BTBD9: variants seen among roughly 807,000 people sequenced by gnomAD.
BTBD9 encodes BTB domain containing 9.
A neutral mutation model predicts 64.3 loss-of-function variants in BTBD9; 49 were observed. The observed-to-expected ratio is 0.76, with a 90% CI of 0.61 to 0.97. The LOEUF (loss-of-function observed/expected upper bound fraction) is 0.97, where lower values mean the gene tolerates loss of function less well. Ranked by LOEUF, BTBD9 falls within the 50% of genes least tolerant of loss-of-function variation. The probability of loss-of-function intolerance (pLI) is 0.00; values close to 1 mark genes in which losing one functional copy is unlikely to be tolerated. For synonymous variants in BTBD9, 260 were observed against 274.7 expected, an observed-to-expected ratio of 0.95 and a Z score of 0.53; for missense variants, 598 against 762.1, an observed-to-expected ratio of 0.78 and a Z score of 2.53.
At chr6:38,325,552 G>C (rs945443195) in intron 7 of BTBD9, among the ~76,000 whole-genome samples, 6 of 152,168 alleles carry the variant, frequency 3.9e-5, no homozygotes, top group African/African-American at 1.2e-4. Flanking sequence ...GAGCATGGTG[G>C]TGGGCGCCTG....
chr6:38,402,120 T>C (rs1766953815), intron 6 of BTBD9, among the ~76,000 whole-genome samples: 1 of 152,074 alleles, frequency 6.6e-6, no homozygotes, highest in Non-Finnish European at 1.5e-5. Flanking sequence ...GAATAAAATA[T>C]TTAAAATATA....
At chr6:38,590,269 A>G (rs1314246738) in intron 4 of BTBD9, among the ~76,000 whole-genome samples, 1 of 152,248 alleles carries the variant, frequency 6.6e-6, no homozygotes, top group East Asian at 1.9e-4. Context: ...AAAACACATC[A>G]TAATGATATA....
At chr6:38,390,634 A>C (rs563502891) in intron 6 of BTBD9, among the ~76,000 whole-genome samples, 1 of 152,074 alleles carries the variant, frequency 6.6e-6, no homozygotes, top group Non-Finnish European at 1.5e-5. Context: ...CCTAGACAAT[A>C]CCCCCAAATT....
chr6:38,328,251 C>T (rs186837355), intron 7 of BTBD9, among the ~76,000 whole-genome samples: 35 of 152,218 alleles, frequency 2.3e-4, no homozygotes, highest in Admixed American at 2.2e-3. Flanking sequence ...GAACTGTGTC[C>T]TCCCAGAATT....
chr6:38,525,147 G>C (rs1160537509), intron 6 of BTBD9, among the ~76,000 whole-genome samples: 2 of 152,120 alleles, frequency 1.3e-5, no homozygotes, highest in Admixed American at 6.5e-5. Context: ...CATGTGTCGA[G>C]GGAGAAAGTT....
At chr6:38,179,015 G>A (rs1056645489) in intron 10 of BTBD9, among the ~76,000 whole-genome samples, 1 of 152,046 alleles carries the variant, frequency 6.6e-6, no homozygotes, top group Non-Finnish European at 1.5e-5. Context: ...ACCACACCCA[G>A]CTAATTTTTG....
chr6:38,181,270 C>A (rs1761542191), intron 10 of BTBD9, among the ~76,000 whole-genome samples: 1 of 152,240 alleles, frequency 6.6e-6, no homozygotes, highest in Admixed American at 6.5e-5. Context: ...TGAATAATTT[C>A]CACAGACTGC....
chr6:38,600,440 C>T (rs1213985485), intron 1 of BTBD9, among the ~76,000 whole-genome samples: 1 of 152,092 alleles, frequency 6.6e-6, no homozygotes, highest in African/African-American at 2.4e-5. Flanking sequence ...TTGTTTGTTT[C>T]TTGCTGGGTT....
intron 8 of BTBD9, among the ~76,000 whole-genome samples, chr6:38,257,298 G>A (rs747334803): frequency 1.3e-5 from 2 of 151,736 alleles, no homozygotes; most frequent in Non-Finnish European, 2.9e-5. Context: ...CCAACTCCTG[G>A]GCTCAAGTGA....
chr6:38,442,874 G>A (rs1169832577), intron 6 of BTBD9, among the ~76,000 whole-genome samples: 1 of 151,778 alleles, frequency 6.6e-6, no homozygotes, highest in Non-Finnish European at 1.5e-5. Flanking sequence ...TTCCATGTTG[G>A]TCAGGCTGGT....
intron 6 of BTBD9, among the ~76,000 whole-genome samples, chr6:38,374,311 A>ATATATATATATATATATGTG (rs1562095693): frequency 8.6e-6 from 1 of 115,838 alleles, no homozygotes; most frequent in Non-Finnish European, 1.7e-5. Flanking sequence ...ATATATGTAT[A>ATATATATATATATATATGTG]TATATATATA....
At chr6:38,523,283 A>G (rs1773349098) in intron 6 of BTBD9, among the ~76,000 whole-genome samples, 1 of 152,100 alleles carries the variant, frequency 6.6e-6, no homozygotes, top group South Asian at 2.1e-4. Context: ...ACCCCAGTCT[A>G]GCCCTGTGCT....
chr6:38,404,382 A>T, intron 6 of BTBD9, among the ~76,000 whole-genome samples: 1 of 152,164 alleles, frequency 6.6e-6, no homozygotes, highest in East Asian at 1.9e-4. Flanking sequence ...TTCAAACAGT[A>T]GTAGACCCAG....
intron 6 of BTBD9, among the ~76,000 whole-genome samples, chr6:38,482,805 C>T (rs1406843910): frequency 1.3e-5 from 2 of 152,106 alleles, no homozygotes; most frequent in African/African-American, 4.8e-5. Flanking sequence ...GAGCTTGAGG[C>T]CATGATATAC....
chr6:38,548,778 A>G (rs770076924), intron 6 of BTBD9, among the ~76,000 whole-genome samples: 1 of 152,204 alleles, frequency 6.6e-6, no homozygotes, highest in Non-Finnish European at 1.5e-5. Flanking sequence ...CTACTTTTAA[A>G]CTGTTGTAAC....
At chr6:38,491,805 A>G (rs1331274188) in intron 6 of BTBD9, among the ~76,000 whole-genome samples, 1 of 152,222 alleles carries the variant, frequency 6.6e-6, no homozygotes, top group South Asian at 2.1e-4. Context: ...TATTAAGAGT[A>G]ATTATGGAGT....
At chr6:38,197,287 C>T (rs753158412) in intron 9 of BTBD9, among the ~76,000 whole-genome samples, 8 of 152,130 alleles carry the variant, frequency 5.3e-5, no homozygotes, top group African/African-American at 1.7e-4. Context: ...GTAATCTGTG[C>T]GACATCCTAG....
chr6:38,596,572 G>T (rs936961655), intron 2 of BTBD9, among the ~76,000 whole-genome samples: 1 of 151,672 alleles, frequency 6.6e-6, no homozygotes, highest in Admixed American at 6.6e-5. Context: ...AGGCTGAGGC[G>T]GGCGGATCAC....
chr6:38,482,988 GCCCCTCT>G (rs1771229934), intron 6 of BTBD9, among the ~76,000 whole-genome samples: 1 of 151,872 alleles, frequency 6.6e-6, no homozygotes, highest in Admixed American at 6.6e-5. Context: ...TAGAGATCCA[GCCCCTCT>G]CCCATAATGA....
Sources: allele counts gnomAD v4.1 joint callset (sites outside exome capture counted in the v4.1 genomes callset), GRCh38; gene constraint gnomAD v4.1.1; transcripts MANE v1.5; gene names NCBI Gene and HGNC (gene_info 2026-07-23, HGNC 2026-07-21).